TRIM71: variants seen among roughly 807,000 people sequenced by gnomAD.
TRIM71 encodes tripartite motif containing 71.
Under a neutral mutation model 61.2 loss-of-function variants are expected in TRIM71, and 9 were observed. The observed-to-expected ratio is 0.15, with a 90% confidence interval of 0.09 to 0.26. The LOEUF is 0.26. TRIM71 is among the 10% of genes least tolerant of loss of function. The probability of loss-of-function intolerance (pLI) is 1.00; values close to 1 mark genes in which losing one functional copy is unlikely to be tolerated. For synonymous variants in TRIM71, 645 were observed against 553.2 expected, an observed-to-expected ratio of 1.17 and a Z score of -2.33; for missense variants, 998 against 1,238.7, an observed-to-expected ratio of 0.81 and a Z score of 2.92.
chr3:32,842,758 C>T (rs1696421838), intron 1 of TRIM71, among the ~76,000 whole-genome samples: 1 of 152,016 alleles, frequency 6.6e-6, no homozygotes, highest in Admixed American at 6.5e-5. Flanking sequence ...TCTTCTGATC[C>T]CCATCTCCCC....
At chr3:32,869,170 C>G (rs1248784582) in intron 1 of TRIM71, among the ~76,000 whole-genome samples, 1 of 152,174 alleles carries the variant, frequency 6.6e-6, no homozygotes, top group Non-Finnish European at 1.5e-5. Flanking sequence ...CTTCTGGAAC[C>G]TGTTGTTGCC....
intron 1 of TRIM71, among the ~76,000 whole-genome samples, chr3:32,826,836 C>T (rs1696208582): frequency 6.6e-6 from 1 of 152,044 alleles, no homozygotes; most frequent in South Asian, 2.1e-4. Flanking sequence ...GAACTCAGCT[C>T]ACTGCAAGCT....
intron 1 of TRIM71, among the ~76,000 whole-genome samples, chr3:32,822,519 G>T (rs1696146544): frequency 6.6e-6 from 1 of 152,122 alleles, no homozygotes; most frequent in South Asian, 2.1e-4. Flanking sequence ...CGGTTGCTGT[G>T]TGAATTTGTT....
intron 1 of TRIM71, among the ~76,000 whole-genome samples, chr3:32,853,992 A>C (rs1696568941): frequency 6.6e-6 from 1 of 151,562 alleles, no homozygotes; most frequent in Non-Finnish European, 1.5e-5. Context: ...TGACAGAGCG[A>C]GACTCCCATC....
At position 32,885,849 on chromosome 3, in the gene TRIM71, A is replaced by G. The variant is rs1411521423; in HGVS notation, c.1021-85A>G. On this transcript the variant is annotated intron_variant, in intron 2 of 3. Coordinates refer to ENST00000383763, the MANE Select transcript of TRIM71 (RefSeq NM_001039111.3). Reference sequence around the variant, plus strand: ...GGGAACCCAGGGTGTCAGCTTTTCAAGTCTGACAGAGCAGATTCAAATGTT... The same window carrying G: ...GGGAACCCAGGGTGTCAGCTTTTCAGGTCTGACAGAGCAGATTCAAATGTT... 8.6e-6 allele frequency: 13 copies of G among 1,511,732 alleles called. 1 individual carries two copies. The East Asian group carries it at 2.5e-4, about 30-fold the overall frequency. 93.6% of individuals were successfully genotyped at this position (1,511,732 alleles called of 1,614,324 possible).
In TRIM71 at chr3:32,818,075, T is replaced by A; in HGVS notation, c.-6T>A. On this transcript the variant is annotated 5_prime_UTR_variant, in exon 1 of 4. In the 5' UTR this introduces an upstream ATG that the reference lacks. Coordinates refer to ENST00000383763, the MANE Select transcript of TRIM71 (RefSeq NM_001039111.3). ...GGTCTCCTCCCTCCTCCGGGCTGGG[T>A]TGCAAATGGCTTCGTTCCCCGAGAC... 1 of 1,609,976 alleles carries A rather than the reference T, an allele frequency of 6.2e-7. No homozygotes were observed. The highest frequency in any genetic ancestry group is 8.5e-7 in the Non-Finnish European group (1 of 1,177,790).
rs1245955989 is a variant in TRIM71, at chr3:32,896,109, T to TA, written c.*4300dup. The TA allele has an allele frequency of 6.6e-6, 1 of 152,236 alleles. No individual in the cohort carries two copies. Among genetic ancestry groups the TA allele is most frequent in the Admixed American group, 6.5e-5 (1 of 15,288 alleles). 9.4% of individuals were successfully genotyped at this position (152,236 alleles called of 1,614,324 possible). A position where few individuals can be genotyped will look rare whatever the true frequency, so the allele number is the denominator to read the frequency against. On this transcript the variant is annotated 3_prime_UTR_variant, in exon 4 of 4. Coordinates refer to ENST00000383763, the MANE Select transcript of TRIM71 (RefSeq NM_001039111.3). ...TGTTCAGTATTATGAAACTACTGGTTAATCTGACCTATTGGAGGACTTAAC... is the reference window on the plus strand; with the variant it reads ...TGTTCAGTATTATGAAACTACTGGTTAAATCTGACCTATTGGAGGACTTAAC...
chr3:32,869,304 G>C (rs1181770693), intron 1 of TRIM71, among the ~76,000 whole-genome samples: 4 of 152,174 alleles, frequency 2.6e-5, no homozygotes, highest in Non-Finnish European at 4.4e-5. Context: ...CATTTTAAGG[G>C]ATACCAAACT....
intron 1 of TRIM71, among the ~76,000 whole-genome samples, chr3:32,827,556 T>A (rs760030317): frequency 6.6e-6 from 1 of 152,106 alleles, no homozygotes; most frequent in Non-Finnish European, 1.5e-5. Context: ...CCACCGCGCC[T>A]TGCAAGGGGG....
At chr3:32,823,624 T>C (rs559261824) in intron 1 of TRIM71, among the ~76,000 whole-genome samples, 4 of 150,978 alleles carry the variant, frequency 2.6e-5, no homozygotes, top group Admixed American at 2.6e-4. Flanking sequence ...ATTTGTTCTT[T>C]ATCATTGACA....
At chr3:32,820,267 T>C (rs1474994669) in intron 1 of TRIM71, among the ~76,000 whole-genome samples, 1 of 152,188 alleles carries the variant, frequency 6.6e-6, no homozygotes, top group Non-Finnish European at 1.5e-5. Context: ...TAACCTGTTA[T>C]TTGGGGAGGA....
At chr3:32,835,643 T>C (rs1696326800) in intron 1 of TRIM71, among the ~76,000 whole-genome samples, 1 of 152,240 alleles carries the variant, frequency 6.6e-6, no homozygotes, top group Non-Finnish European at 1.5e-5. Context: ...TGTTTTTCAT[T>C]TCTCCTTCCT....
intron 1 of TRIM71, 152 bp downstream of exon 1, chr3:32,819,084 T>A: frequency 1.1e-6 from 1 of 870,720 alleles, no homozygotes; most frequent in Non-Finnish European, 1.8e-6. Flanking sequence ...GCTACCAAAG[T>A]AGATCATGAC....
intron 1 of TRIM71, among the ~76,000 whole-genome samples, chr3:32,840,191 G>A (rs1225478706): frequency 6.6e-6 from 1 of 152,088 alleles, no homozygotes; most frequent in African/African-American, 2.4e-5. Flanking sequence ...CACAGGGAGG[G>A]AGAAAAGTTT....
chr3:32,838,154 G>T (rs184196805), intron 1 of TRIM71, among the ~76,000 whole-genome samples: 1 of 152,122 alleles, frequency 6.6e-6, no homozygotes, highest in Non-Finnish European at 1.5e-5. Context: ...GGGGATTTGC[G>T]GTTCCATGGA....
intron 1 of TRIM71, among the ~76,000 whole-genome samples, chr3:32,824,487 G>A (rs951634078): frequency 2.0e-5 from 3 of 150,582 alleles, no homozygotes; most frequent in Admixed American, 6.6e-5. Context: ...AAGAGCCACC[G>A]CGCCTGGCCC....
In TRIM71 at chr3:32,818,444, G is replaced by T; in HGVS notation, c.364G>T (p.Ala122Ser). 6.8e-7 allele frequency: 1 copy of T among 1,471,504 alleles called. No homozygotes were observed. The highest frequency in any genetic ancestry group is 1.8e-4 in the Middle Eastern group (1 of 5,500). The allele number at this position is 1,471,504 out of a possible 1,614,324, so 91.2% of individuals were successfully genotyped here. Residue 122 changes from alanine (A) to serine (S), a missense_variant, in exon 1 of 4, where the codon GCG (alanine) becomes TCG (serine). By Grantham distance (99) the Ala-to-Ser change is moderately conservative. This residue lies in a region of TRIM71 where 527 missense variants were observed against 427.8 expected (regional missense o/e 1.23). Transcript: ENST00000383763. ...SAFLLSNLLD[A>S]VVATADEPPP... ...CTTCCTGCTTAGCAACCTGCTCGAC[G>T]CGGTGGTGGCCACTGCCGACGAGCC...
intron 1 of TRIM71, among the ~76,000 whole-genome samples, chr3:32,869,563 G>A (rs553889069): frequency 2.7e-4 from 41 of 152,332 alleles, no homozygotes; most frequent in Admixed American, 3.3e-4. Flanking sequence ...GCACACATGC[G>A]TGCACACACG....
rs762386536 is a variant in TRIM71, at chr3:32,891,061, C to T, written c.1857C>T (p.Tyr619=). 2 of 1,612,794 alleles carry T rather than the reference C, an allele frequency of 1.2e-6. No homozygotes were observed. Among genetic ancestry groups the T allele is most frequent in the Non-Finnish European group, 1.7e-6 (2 of 1,179,946 alleles). ...PWGVSVDKEG[Y]IIVADRSNNR... Reference sequence around the variant, plus strand: ...GTGTGAGTGTAGACAAGGAGGGCTACATCATTGTCGCCGACCGCAGCAACA... The same window carrying T: ...GTGTGAGTGTAGACAAGGAGGGCTATATCATTGTCGCCGACCGCAGCAACA... Residue 619 remains tyrosine, a synonymous_variant, in exon 4 of 4, where the codon TAC becomes TAT. Coordinates refer to ENST00000383763, the MANE Select transcript of TRIM71 (RefSeq NM_001039111.3). The surrounding 1 kb of genome is among the most constrained non-coding windows in gnomAD (Gnocchi z 8.2).
Sources: allele counts gnomAD v4.1 joint callset (sites outside exome capture counted in the v4.1 genomes callset), GRCh38; gene constraint gnomAD v4.1.1; regional missense constraint gnomAD v4.1.1; non-coding constraint Gnocchi (gnomAD v3.1); transcripts MANE v1.5; gene names NCBI Gene and HGNC (gene_info 2026-07-23, HGNC 2026-07-21).